The following APBB1IP variants were observed in gnomAD, a reference collection of about 807,000 sequenced individuals.
The protein encoded by APBB1IP is amyloid beta A4 precursor protein-binding family B member 1-interacting protein.
Under a neutral mutation model 64.9 loss-of-function variants are expected in APBB1IP, and 27 were observed. The ratio of observed to expected loss-of-function variants is 0.42; its 90% CI spans 0.31 to 0.57. The LOEUF (loss-of-function observed/expected upper bound fraction) is 0.57, where lower values mean the gene tolerates loss of function less well. Ranked by LOEUF, APBB1IP falls within the 20% of genes least tolerant of loss-of-function variation. The pLI is 0.20. For missense variants in APBB1IP, 812 were observed against 845.5 expected (o/e 0.96, Z 0.49); for synonymous variants, 392 against 331.0 (o/e 1.18, Z -2.00).
chr10:26,448,962 G>A lies in APBB1IP; in HGVS notation c.-1+10109G>A, dbSNP rs12267749. On this transcript the variant is annotated intron_variant, in intron 2 of 14. Coordinates refer to ENST00000376236, the MANE Select transcript of APBB1IP (RefSeq NM_019043.4). The stretch of plus-strand genomic sequence containing the variant: ...AGTTCACAAGCATAACACTCTCATC[G>A]ACAGCCACTCTCTTTGTGGCGGTTC... 8.9e-3 allele frequency among the ~76,000 whole-genome samples: 1,360 copies of A among 152,044 alleles called. 35 individuals carry two copies. Among genetic ancestry groups the A allele is most frequent in the African/African-American group, 0.031 (1,304 of 41,444 alleles).
chr10:26,514,878 C>CT (rs370427476), intron 8 of APBB1IP, among the ~76,000 whole-genome samples: 122 of 147,454 alleles, frequency 8.3e-4, no homozygotes, highest in African/African-American at 2.2e-3. Context: ...TTTTTCTTTT[C>CT]TTTTTTTTTT....
intron 4 of APBB1IP, 125 bp downstream of exon 4, chr10:26,496,516 C>T: frequency 2.7e-6 from 2 of 754,626 alleles, no homozygotes; most frequent in Non-Finnish European, 4.2e-6. Flanking sequence ...TTGTTAAAAT[C>T]ATGGATTTCA....
rs747655095 is a variant in APBB1IP at position 26,524,955 on chromosome 10, C to CTTTCTTTT, written c.814-8481_814-8480insCTTTTTTT. Among the ~76,000 whole-genome samples the CTTTCTTTT allele has an allele frequency of 9.5e-3, 702 of 73,964 alleles. 26 individuals carry two copies. The highest frequency in any genetic ancestry group is 0.031 in the African/African-American group (671 of 21,746). 48.5% of individuals were successfully genotyped at this position (73,964 alleles called of 152,430 possible). ...TCTTTTTCTTTCTCTTTCTTTCTTTCTTTTTTTTTTTTTTTTTTTATAAAA... is the reference window on the plus strand; with the variant it reads ...TCTTTTTCTTTCTCTTTCTTTCTTTCTTTCTTTTTTTTTTTTTTTTTTTTTTTATAAAA... On this transcript the variant is annotated intron_variant, in intron 8 of 14. Transcript: ENST00000376236.
chr10:26,519,094 A>C (rs1588599832), intron 8 of APBB1IP, among the ~76,000 whole-genome samples: 1 of 146,988 alleles, frequency 6.8e-6, no homozygotes, highest in South Asian at 2.2e-4. Context: ...GGCCAACGTG[A>C]TGAAACCCTG....
chr10:26,500,210 CAAAAAA>C (rs199918930), intron 4 of APBB1IP, among the ~76,000 whole-genome samples: 1 of 86,418 alleles, frequency 1.2e-5, no homozygotes, highest in African/African-American at 4.4e-5. Context: ...GACTCTGTCT[CAAAAAA>C]AAAAAAAAAA....
At chr10:26,470,028 G>A (rs1835697955) in intron 2 of APBB1IP, among the ~76,000 whole-genome samples, 1 of 152,184 alleles carries the variant, frequency 6.6e-6, no homozygotes, top group Non-Finnish European at 1.5e-5. Context: ...GGTGGGGAAA[G>A]GATGGGGCAA....
intron 10 of APBB1IP, among the ~76,000 whole-genome samples, chr10:26,536,796 G>A (rs1402270235): frequency 2.1e-5 from 3 of 145,696 alleles, no homozygotes; most frequent in East Asian, 4.1e-4. Flanking sequence ...TTGTAGAGAC[G>A]GGGTTTCACC....
At chr10:26,560,894 A>G (rs764440428) in intron 13 of APBB1IP, 50 bp downstream of exon 13, 1 of 1,400,722 alleles carries the variant, frequency 7.1e-7, no homozygotes, top group Non-Finnish European at 9.8e-7. Context: ...TTGGTGCTCC[A>G]GTTCAAAATG....
chr10:26,511,632 C>T, intron 6 of APBB1IP, 115 bp from the exon 7 acceptor site: 2 of 1,272,090 alleles, frequency 1.6e-6, no homozygotes, highest in Non-Finnish European at 2.2e-6. Context: ...GGAGCAAGTT[C>T]ACCAAACACA....
chr10:26,528,716 C>T (rs1836511036), intron 8 of APBB1IP, among the ~76,000 whole-genome samples: 1 of 152,134 alleles, frequency 6.6e-6, no homozygotes, highest in Non-Finnish European at 1.5e-5. Context: ...GCAGGTGAAT[C>T]CCTTGAACTC....
At chr10:26,450,451 C>T (rs2132398105) in intron 2 of APBB1IP, among the ~76,000 whole-genome samples, 1 of 152,332 alleles carries the variant, frequency 6.6e-6, no homozygotes, top group Non-Finnish European at 1.5e-5. Context: ...CCACATGCCT[C>T]TAAGGGCATG....
chr10:26,536,221 A>AG lies in APBB1IP; in HGVS notation c.1044+5dup. The AG allele has an allele frequency of 1.4e-6, 2 of 1,476,460 alleles. No individual in the cohort carries two copies. Among genetic ancestry groups the AG allele is most frequent in the Non-Finnish European group, 1.8e-6 (2 of 1,123,020 alleles). The allele number at this position is 1,476,460 out of a possible 1,614,324, so 91.5% of individuals were successfully genotyped here. A position where few individuals can be genotyped will look rare whatever the true frequency, so the allele number is the denominator to read the frequency against. ...TGTACCCAAAGGAAAGACTAAGGTC[A>AG]GAAAAAAAAAAAAAAAAGCACTTAG... is the stretch of plus-strand genomic sequence containing the variant. On this transcript the variant is annotated splice_donor_region_variant and intron_variant, in intron 10 of 14. Coordinates refer to ENST00000376236, the MANE Select transcript of APBB1IP (RefSeq NM_019043.4).
chr10:26,536,363 A>G, intron 10 of APBB1IP, 146 bp downstream of exon 10: 1 of 855,208 alleles, frequency 1.2e-6, no homozygotes, highest in Admixed American at 3.1e-5. Context: ...GGACAGTATT[A>G]TTGAAATCTT....
chr10:26,554,523 T>C (rs1438543883), intron 11 of APBB1IP, among the ~76,000 whole-genome samples: 1 of 152,228 alleles, frequency 6.6e-6, no homozygotes, highest in African/African-American at 2.4e-5. Flanking sequence ...GTTTCTTCTC[T>C]TCTTATAAGA....
rs530352413 is a variant in APBB1IP, at chr10:26,501,086, C to G, written c.428C>G (p.Pro143Arg). ...ADPVLDLPLPPPPPEPLSQEE... is the reference protein window; with the variant it reads ...ADPVLDLPLPRPPPEPLSQEE... ...CCTGTGTTAGACCTTCCACTGCCAC[C>G]ACCACCTCCTGAACCTCTCTCTCAG... is the stretch of plus-strand genomic sequence containing the variant. The change falls in exon 5 of 15, where the codon CCA becomes CGA. Residue 143 changes from proline to arginine, a missense_variant. Coordinates refer to ENST00000376236, the MANE Select transcript of APBB1IP (RefSeq NM_019043.4). 95 of 1,614,066 alleles carry G rather than the reference C, an allele frequency of 5.9e-5. No homozygotes were observed. Among genetic ancestry groups the G allele is most frequent in the Non-Finnish European group, 7.4e-5 (87 of 1,180,036 alleles).
At chr10:26,444,582 T>C (rs901248378) in intron 2 of APBB1IP, among the ~76,000 whole-genome samples, 2 of 152,182 alleles carry the variant, frequency 1.3e-5, no homozygotes, top group African/African-American at 4.8e-5. Flanking sequence ...ACTGGAAGGA[T>C]GAAATTGTCA....
intron 2 of APBB1IP, among the ~76,000 whole-genome samples, chr10:26,487,194 G>C (rs896767818): frequency 1.5e-5 from 2 of 137,248 alleles, no homozygotes; most frequent in African/African-American, 6.7e-5. Context: ...GTCAGGGCTG[G>C]GTGTTTTTTT....
At chr10:26,517,503 G>A (rs190204798) in intron 8 of APBB1IP, among the ~76,000 whole-genome samples, 2 of 152,306 alleles carry the variant, frequency 1.3e-5, no homozygotes, top group African/African-American at 4.8e-5. Context: ...GCAGTGGCAC[G>A]ATCTTGGCTC....
rs1009477304 is a variant in APBB1IP, at chr10:26,508,796, C to T, written c.532-2951C>T. ...CTATAATTGTGGACATTCATAAGTA[C>T]GTGTAGATTAACTCTAGTTTCCAAT... On this transcript the variant is annotated intron_variant, in intron 6 of 14. Transcript: ENST00000376236. Among the ~76,000 whole-genome samples the T allele has an allele frequency of 8.5e-5, 13 of 152,170 alleles. No homozygotes were observed. The South Asian group carries it at 1.9e-3, about 22-fold the overall frequency.
Sources: allele counts gnomAD v4.1 joint callset (sites outside exome capture counted in the v4.1 genomes callset), GRCh38; gene constraint gnomAD v4.1.1; transcripts MANE v1.5; gene names NCBI Gene and HGNC (gene_info 2026-07-23, HGNC 2026-07-21).